PARD3: variants seen among roughly 807,000 people sequenced by gnomAD.
PARD3 encodes the protein partitioning defective 3 homolog.
A neutral mutation model predicts 155.4 loss-of-function variants in PARD3; 75 were observed. That is an observed-to-expected ratio of 0.48 (90% CI 0.40 to 0.58). The LOEUF is 0.58. Among genes scored for constraint, PARD3 ranks in the 20% least tolerant of loss-of-function variants. The pLI, the probability that PARD3 is intolerant of heterozygous loss-of-function variation, is 0.00. For missense variants in PARD3, 1,642 were observed against 1,721.7 expected (o/e 0.95, Z 0.82); for synonymous variants, 576 against 610.5 (o/e 0.94, Z 0.83).
At chr10:34,338,136 T>A (rs1357623486) in intron 16 of PARD3, among the ~76,000 whole-genome samples, 1 of 152,226 alleles carries the variant, frequency 6.6e-6, no homozygotes, top group Admixed American at 6.5e-5. Context: ...GATGAGTGAA[T>A]AAACAGTATA....
intron 22 of PARD3, among the ~76,000 whole-genome samples, chr10:34,203,695 C>T (rs200630408): frequency 3.9e-5 from 6 of 152,084 alleles, no homozygotes; most frequent in East Asian, 1.9e-4. Flanking sequence ...ATTTTTTCCC[C>T]GGGTATTTAT....
intron 10 of PARD3, among the ~76,000 whole-genome samples, chr10:34,377,150 T>C (rs1367483036): frequency 1.3e-5 from 2 of 152,224 alleles, no homozygotes; most frequent in African/African-American, 2.4e-5. Flanking sequence ...GCTCCTCTTA[T>C]CAAGGAACAC....
chr10:34,468,963 G>GA (rs1190524255), intron 4 of PARD3, among the ~76,000 whole-genome samples: 1 of 152,266 alleles, frequency 6.6e-6, no homozygotes, highest in East Asian at 1.9e-4. Flanking sequence ...TGGCTGCACT[G>GA]AAAAAATGTT....
intron 2 of PARD3, among the ~76,000 whole-genome samples, chr10:34,678,295 A>G (rs1479703395): frequency 1.3e-5 from 2 of 152,132 alleles, no homozygotes; most frequent in Non-Finnish European, 2.9e-5. Context: ...GCTGGTCTCA[A>G]ACTTCTAGGT....
intron 19 of PARD3, among the ~76,000 whole-genome samples, chr10:34,329,053 C>T (rs1322799467): frequency 6.6e-6 from 1 of 152,128 alleles, no homozygotes. Flanking sequence ...TGTTTCATTT[C>T]ACTTTTTTTC....
intron 7 of PARD3, among the ~76,000 whole-genome samples, chr10:34,388,638 T>C (rs1312234654): frequency 6.6e-6 from 1 of 152,184 alleles, no homozygotes; most frequent in Non-Finnish European, 1.5e-5. Flanking sequence ...AACAGTTTTA[T>C]TAGAGAAAGT....
chr10:34,746,356 G>A (rs1160545645), intron 1 of PARD3, among the ~76,000 whole-genome samples: 2 of 151,982 alleles, frequency 1.3e-5, no homozygotes, highest in Non-Finnish European at 2.9e-5. Context: ...GGCTGAGGCG[G>A]GAGGATTGCC....
intron 22 of PARD3, among the ~76,000 whole-genome samples, chr10:34,150,648 C>A (rs938698901): frequency 3.9e-5 from 6 of 152,118 alleles, no homozygotes; most frequent in African/African-American, 1.4e-4. Context: ...CTGAATCTCG[C>A]TGCTCCCTCC....
At chr10:34,541,815 G>T (rs1421551775) in intron 2 of PARD3, among the ~76,000 whole-genome samples, 1 of 152,036 alleles carries the variant, frequency 6.6e-6, no homozygotes, top group Non-Finnish European at 1.5e-5. Context: ...TTTAATCTTG[G>T]TATGCCTCGC....
chr10:34,606,530 G>C (rs2090454007), intron 2 of PARD3, among the ~76,000 whole-genome samples: 1 of 151,162 alleles, frequency 6.6e-6, no homozygotes, highest in African/African-American at 2.4e-5. Context: ...GCCTGGCATA[G>C]TGGCTCATGC....
At chr10:34,285,155 A>C (rs919451759) in intron 20 of PARD3, among the ~76,000 whole-genome samples, 1 of 152,254 alleles carries the variant, frequency 6.6e-6, no homozygotes, top group Admixed American at 6.5e-5. Context: ...TGTTTCAAAA[A>C]AGAAATATTT....
rs967579595 is a variant in PARD3, at chr10:34,212,571, T to G, written c.3419+57086A>C. Among the ~76,000 whole-genome samples the G allele has an allele frequency of 2.0e-5, 3 of 151,488 alleles. No homozygotes were observed. In the East Asian group the frequency reaches 5.8e-4, roughly 29 times the overall value. ...CTCCCAATGTGTCACCATAAAATGTTAAAAATACAAGGCAGACAAGACCAG... is the reference window on the plus strand; with the variant it reads ...CTCCCAATGTGTCACCATAAAATGTGAAAAATACAAGGCAGACAAGACCAG... On this transcript the variant is annotated intron_variant, in intron 22 of 24. Transcript: ENST00000374788.
intron 1 of PARD3, among the ~76,000 whole-genome samples, chr10:34,786,179 T>C (rs958886765): frequency 1.3e-5 from 2 of 152,214 alleles, no homozygotes; most frequent in African/African-American, 4.8e-5. Context: ...AGCTAACTCA[T>C]CTCTTTAGGC....
intron 3 of PARD3, among the ~76,000 whole-genome samples, chr10:34,485,586 G>C (rs1310599197): frequency 1.3e-5 from 2 of 152,258 alleles, no homozygotes; most frequent in South Asian, 2.1e-4. Context: ...TCAATTGGTT[G>C]AAAGAGTTAA....
In PARD3 at chr10:34,656,338, G is replaced by T. The variant is rs79061190; in HGVS notation, c.222+39980C>A. On this transcript the variant is annotated intron_variant, in intron 2 of 24. Coordinates refer to ENST00000374788, the MANE Select transcript of PARD3 (RefSeq NM_001184785.2). ...TATGATAAATATATTGTCAGTAAAG[G>T]TTTTAAATATTGCTACTAAAGATGT... Among the ~76,000 whole-genome samples the T allele has an allele frequency of 3.6e-3, 555 of 152,214 alleles. 1 individual carries two copies. Among genetic ancestry groups the T allele is most frequent in the African/African-American group, 0.012 (514 of 41,530 alleles).
intron 5 of PARD3, among the ~76,000 whole-genome samples, chr10:34,420,787 C>T (rs1339662123): frequency 6.6e-6 from 1 of 152,202 alleles, no homozygotes; most frequent in Non-Finnish European, 1.5e-5. Flanking sequence ...TTAAATCCCA[C>T]AGTTCGGTTT....
At chr10:34,565,895 A>G (rs2085902700) in intron 2 of PARD3, among the ~76,000 whole-genome samples, 1 of 152,234 alleles carries the variant, frequency 6.6e-6, no homozygotes, top group Non-Finnish European at 1.5e-5. Flanking sequence ...AGGAACAAAA[A>G]GTCGTGATTC....
chr10:34,347,617 G>A (rs1330480825), intron 15 of PARD3, among the ~76,000 whole-genome samples: 1 of 152,146 alleles, frequency 6.6e-6, no homozygotes, highest in Non-Finnish European at 1.5e-5. Context: ...TTTGCCACAA[G>A]CCATTAAATT....
At chr10:34,790,460 T>A (rs1244565563) in intron 1 of PARD3, among the ~76,000 whole-genome samples, 1 of 151,918 alleles carries the variant, frequency 6.6e-6, no homozygotes, top group East Asian at 1.9e-4. Flanking sequence ...GCTCTCCCCC[T>A]GATAAGGCTA....
Sources: allele counts gnomAD v4.1 joint callset (sites outside exome capture counted in the v4.1 genomes callset), GRCh38; gene constraint gnomAD v4.1.1; transcripts MANE v1.5; gene names NCBI Gene and HGNC (gene_info 2026-07-23, HGNC 2026-07-21).